CAMSAP2: variants seen among roughly 807,000 people sequenced by gnomAD.
CAMSAP2 encodes calmodulin-regulated spectrin-associated protein 2.
Under a neutral mutation model 146.1 loss-of-function variants are expected in CAMSAP2, and 26 were observed. That is an observed-to-expected ratio of 0.18 (90% CI 0.13 to 0.25). The LOEUF (loss-of-function observed/expected upper bound fraction) is 0.25, where lower values mean the gene tolerates loss of function less well. Ranked by LOEUF, CAMSAP2 falls within the 10% of genes least tolerant of loss-of-function variation. The pLI, the probability that CAMSAP2 is intolerant of heterozygous loss-of-function variation, is 1.00. For synonymous variants in CAMSAP2, 499 were observed against 596.6 expected, an observed-to-expected ratio of 0.84 and a Z score of 2.38; for missense variants, 1,381 against 1,759.3, an observed-to-expected ratio of 0.78 and a Z score of 3.85.
rs139759046 is a variant in CAMSAP2 at position 200,817,109 on chromosome 1, C to T, written c.645+1465C>T. Among the ~76,000 whole-genome samples the T allele has an allele frequency of 4.3e-3, 624 of 144,188 alleles. 3 individuals carry two copies. Among genetic ancestry groups the T allele is most frequent in the Non-Finnish European group, 7.5e-3 (483 of 64,642 alleles). 94.6% of individuals were successfully genotyped at this position (144,188 alleles called of 152,430 possible). On this transcript the variant is annotated intron_variant, in intron 4 of 16. Coordinates refer to ENST00000358823, the MANE Select transcript of CAMSAP2 (RefSeq NM_203459.4). ...ACACACGTATATATGTATACACACACGTGTGTGTATATACACGTATATATG... is the reference window on the plus strand; with the variant it reads ...ACACACGTATATATGTATACACACATGTGTGTGTATATACACGTATATATG...
intron 3 of CAMSAP2, 27 bp downstream of exon 3, chr1:200,807,564 C>T (rs188442012): frequency 1.9e-5 from 27 of 1,422,380 alleles, no homozygotes; most frequent in East Asian, 1.6e-4. Flanking sequence ...TTGAGTAAAT[C>T]GCATCTCATA....
rs943304845 is a variant in CAMSAP2, at chr1:200,854,973, G to A, written c.3896+84G>A. On this transcript the variant is annotated intron_variant, in intron 14 of 16. Transcript: ENST00000358823. ...AAACTCTAAGTAAAAATTCTTCAGT[G>A]TTTTTACATTTTATAATGACCAAAT... 27 of 1,018,976 alleles carry A rather than the reference G, an allele frequency of 2.6e-5. No individual in the cohort carries two copies. The Admixed American group carries it at 7.0e-4, about 26-fold the overall frequency. 63.1% of individuals were successfully genotyped at this position (1,018,976 alleles called of 1,614,324 possible).
chr1:200,795,946 G>T (rs542885736), intron 2 of CAMSAP2, among the ~76,000 whole-genome samples: 32 of 152,270 alleles, frequency 2.1e-4, no homozygotes, highest in African/African-American at 7.5e-4. Flanking sequence ...CTACTTCATT[G>T]ACATATCTAA....
chr1:200,858,103 A>C lies in CAMSAP2; in HGVS notation c.*44A>C, dbSNP rs974069653. On this transcript the variant is annotated 3_prime_UTR_variant, in exon 17 of 17. Coordinates refer to ENST00000358823, the MANE Select transcript of CAMSAP2 (RefSeq NM_203459.4). ...TTCAGAACATTCATGGTAAATTTGC[A>C]CTTCATCTTTCCTGCCTATAGAAAA... is the stretch of plus-strand genomic sequence containing the variant. 6.1e-6 allele frequency: 9 copies of C among 1,474,144 alleles called. No homozygotes were observed. The highest frequency in any genetic ancestry group is 2.3e-5 in the East Asian group (1 of 43,460). 91.3% of individuals were successfully genotyped at this position (1,474,144 alleles called of 1,614,324 possible). A position where few individuals can be genotyped will look rare whatever the true frequency, so the allele number is the denominator to read the frequency against.
At chr1:200,826,985 C>T (rs774699249) in intron 4 of CAMSAP2, among the ~76,000 whole-genome samples, 1 of 152,180 alleles carries the variant, frequency 6.6e-6, no homozygotes, top group Non-Finnish European at 1.5e-5. Context: ...AGGATAGTTG[C>T]TGATCACTTC....
chr1:200,833,135 T>C (rs1667088032), intron 6 of CAMSAP2, among the ~76,000 whole-genome samples: 2 of 152,214 alleles, frequency 1.3e-5, no homozygotes, highest in South Asian at 4.1e-4. Context: ...CTAGCAACTT[T>C]AAGCTTATAG....
At chr1:200,833,168 A>G (rs563360526) in intron 6 of CAMSAP2, among the ~76,000 whole-genome samples, 427 of 152,358 alleles carry the variant, frequency 2.8e-3, no homozygotes, top group African/African-American at 9.4e-3. Context: ...AGTCAAAAGA[A>G]CTTTTGAAGA....
intron 2 of CAMSAP2, among the ~76,000 whole-genome samples, chr1:200,771,210 C>T (rs1022319521): frequency 6.6e-6 from 1 of 151,998 alleles, no homozygotes; most frequent in African/African-American, 2.4e-5. Context: ...GCATTATTTT[C>T]TCATATAAGA....
intron 1 of CAMSAP2, among the ~76,000 whole-genome samples, chr1:200,744,047 A>C (rs971583284): frequency 6.6e-6 from 1 of 152,210 alleles, no homozygotes; most frequent in Admixed American, 6.5e-5. Context: ...GTATCATTTA[A>C]ATCCTCATGA....
Position 200,849,174 on chromosome 1 carries a change from G to A in CAMSAP2, c.2405G>A (p.Arg802Gln). 1.9e-6 allele frequency: 3 copies of A among 1,613,946 alleles called. No homozygotes were observed. Among genetic ancestry groups the A allele is most frequent in the Non-Finnish European group, 2.5e-6 (3 of 1,179,942 alleles). The change falls in exon 11 of 17, where the codon CGA becomes CAA. Residue 802 changes from arginine (R) to glutamine (Q), a missense_variant. Arg to Gln is a conservative substitution (Grantham distance 43). This residue lies in a region of CAMSAP2 where 560 missense variants were observed against 715.9 expected (regional missense o/e 0.78). Coordinates refer to ENST00000358823, the MANE Select transcript of CAMSAP2 (RefSeq NM_203459.4). The surrounding 1 kb of genome is among the most constrained non-coding windows in gnomAD (Gnocchi z 6.3). ...AAAGGGGATGGGATATCTCCTCTAC[G>A]AGAGGAAGCGGCGGGTGCAGAAGAT... is the stretch of plus-strand genomic sequence containing the variant. ...KKKGDGISPLREEAAGAEDEK... is the reference protein window; with the variant it reads ...KKKGDGISPLQEEAAGAEDEK...
In CAMSAP2 at chr1:200,844,792, A is replaced by G. The variant is rs1012971048; in HGVS notation, c.1032A>G (p.Val344=). The change falls in exon 8 of 17, where the codon GTA becomes GTG. Residue 344 remains valine (V), a synonymous_variant. Coordinates refer to ENST00000358823, the MANE Select transcript of CAMSAP2 (RefSeq NM_203459.4). ...RVVRPQGAEP[V]KDMPSIPVLN... Reference sequence around the variant, plus strand: ...AATCTTTTATTCCAGCTGAACCTGTAAAAGATATGCCTTCAATTCCTGTCT... The same window carrying G: ...AATCTTTTATTCCAGCTGAACCTGTGAAAGATATGCCTTCAATTCCTGTCT... The G allele has an allele frequency of 6.3e-7, 1 of 1,583,334 alleles. No homozygotes were observed. Among genetic ancestry groups the G allele is most frequent in the Non-Finnish European group, 8.6e-7 (1 of 1,167,474 alleles).
intron 4 of CAMSAP2, among the ~76,000 whole-genome samples, chr1:200,816,651 T>C (rs72746860): frequency 0.029 from 3,789 of 130,366 alleles, 237 homozygotes; most frequent in Non-Finnish European, 0.047. Context: ...CACATATATA[T>C]GCACACACAT....
intron 3 of CAMSAP2, among the ~76,000 whole-genome samples, chr1:200,807,858 G>A (rs1198955362): frequency 2.0e-5 from 3 of 149,780 alleles, no homozygotes; most frequent in South Asian, 2.1e-4. Context: ...CTCATGCCTC[G>A]GCCTCCCAAG....
chr1:200,804,584 C>T (rs1032616186), intron 2 of CAMSAP2, among the ~76,000 whole-genome samples: 1 of 152,068 alleles, frequency 6.6e-6, no homozygotes, highest in Non-Finnish European at 1.5e-5. Flanking sequence ...CTTTTTAATG[C>T]TGTTAAACAG....
chr1:200,765,379 C>T (rs529772719), intron 2 of CAMSAP2, among the ~76,000 whole-genome samples: 7 of 151,972 alleles, frequency 4.6e-5, no homozygotes, highest in Admixed American at 2.6e-4. Context: ...ATTACAGGTG[C>T]GCCACCATGC....
At chr1:200,759,280 ATTTT>A (rs374473632) in intron 1 of CAMSAP2, among the ~76,000 whole-genome samples, 1 of 128,890 alleles carries the variant, frequency 7.8e-6, no homozygotes, top group Non-Finnish European at 1.6e-5. Flanking sequence ...CTGCTATTCT[ATTTT>A]TTTTTTTTTT....
intron 2 of CAMSAP2, among the ~76,000 whole-genome samples, chr1:200,785,392 T>TC (rs1665556738): frequency 7.3e-6 from 1 of 136,390 alleles, no homozygotes; most frequent in Non-Finnish European, 1.7e-5. Context: ...TTTTTTCTTT[T>TC]GTTTTTTTTT....
At chr1:200,758,253 A>G (rs1664701067) in intron 1 of CAMSAP2, among the ~76,000 whole-genome samples, 2 of 152,216 alleles carry the variant, frequency 1.3e-5, no homozygotes. Context: ...TTTCACAGCT[A>G]ATATTTAGAT....
At chr1:200,816,053 T>C (rs1666474234) in intron 4 of CAMSAP2, among the ~76,000 whole-genome samples, 1 of 152,192 alleles carries the variant, frequency 6.6e-6, no homozygotes. Flanking sequence ...ACCAGCACTT[T>C]GGGAGGCCAA....
Sources: gnomAD v4.1 joint callset for allele counts (sites outside exome capture counted in the v4.1 genomes callset) on GRCh38, gnomAD v4.1.1 for gene constraint, gnomAD v4.1.1 regional missense constraint, Gnocchi (gnomAD v3.1) non-coding constraint, MANE v1.5 for transcripts, NCBI Gene and HGNC (gene_info 2026-07-23, HGNC 2026-07-21) for gene names.